ACO1: variants seen among roughly 807,000 people sequenced by gnomAD.
ACO1 encodes aconitase 1.
Under a neutral mutation model 105.1 loss-of-function variants are expected in ACO1, and 78 were observed. The observed-to-expected ratio is 0.74, with a 90% confidence interval of 0.62 to 0.90. The LOEUF is 0.90. Among genes scored for constraint, ACO1 ranks in the 40% least tolerant of loss-of-function variants. The pLI is 0.00. For missense variants in ACO1, 965 were observed against 1,111.1 expected (o/e 0.87, Z 1.87); for synonymous variants, 364 against 397.4 (o/e 0.92, Z 1.00).
At chr9:32,424,498 C>CT (rs748641083) in intron 9 of ACO1, 51 bp from the exon 10 acceptor site, 2 of 1,295,420 alleles carry the variant, frequency 1.5e-6, no homozygotes, top group Non-Finnish European at 2.2e-6. Flanking sequence ...TGGGTTTCCT[C>CT]TTTGTGGGTA....
intron 19 of ACO1, 38 bp downstream of exon 19, chr9:32,440,625 T>A (rs374694815): frequency 4.7e-5 from 76 of 1,606,668 alleles, no homozygotes; most frequent in Non-Finnish European, 6.2e-5. Flanking sequence ...GCAGCTCCCC[T>A]CTGAACTGGG....
chr9:32,411,296 G>C (rs1228166430), intron 4 of ACO1, among the ~76,000 whole-genome samples: 1 of 152,204 alleles, frequency 6.6e-6, no homozygotes, highest in African/African-American at 2.4e-5. Flanking sequence ...CTATCAGTGG[G>C]AGAAATAACT....
chr9:32,405,172 C>T (rs1430077316), intron 1 of ACO1, among the ~76,000 whole-genome samples: 2 of 152,252 alleles, frequency 1.3e-5, no homozygotes, highest in South Asian at 2.1e-4. Context: ...CAGTGTCTTG[C>T]GCCCGTTACC....
intron 2 of ACO1, among the ~76,000 whole-genome samples, chr9:32,405,926 C>G (rs1046494156): frequency 6.6e-6 from 1 of 152,210 alleles, no homozygotes; most frequent in South Asian, 2.1e-4. Context: ...GAGTCAATGA[C>G]ACATGCTCAG....
intron 1 of ACO1, among the ~76,000 whole-genome samples, chr9:32,396,372 C>T (rs998137307): frequency 6.6e-6 from 1 of 152,138 alleles, no homozygotes; most frequent in African/African-American, 2.4e-5. Flanking sequence ...CTACAAACAC[C>T]TAGCTGTACA....
At chr9:32,427,488 A>G (rs763342596) in intron 12 of ACO1, 52 bp downstream of exon 12, 9 of 1,609,956 alleles carry the variant, frequency 5.6e-6, no homozygotes, top group Non-Finnish European at 6.8e-6. Context: ...TGTATCCCTC[A>G]TGTATCTTGC....
intron 12 of ACO1, among the ~76,000 whole-genome samples, chr9:32,427,734 A>G (rs1822132408): frequency 6.6e-6 from 1 of 152,198 alleles, no homozygotes; most frequent in African/African-American, 2.4e-5. Context: ...TGTTGACTTT[A>G]TAAACACTGG....
At chr9:32,385,223 G>A (rs1821133329) in intron 1 of ACO1, among the ~76,000 whole-genome samples, 1 of 152,214 alleles carries the variant, frequency 6.6e-6, no homozygotes, top group Admixed American at 6.5e-5. Flanking sequence ...CTTGAACACA[G>A]AGCCCACCAT....
intron 8 of ACO1, among the ~76,000 whole-genome samples, chr9:32,421,896 A>G (rs531665767): frequency 5.3e-5 from 8 of 152,380 alleles, no homozygotes; most frequent in African/African-American, 1.9e-4. Flanking sequence ...AGAATCTTAC[A>G]GACTCCAAAT....
At chr9:32,399,964 CTGT>C (rs1259025343) in intron 1 of ACO1, among the ~76,000 whole-genome samples, 1 of 42,418 alleles carries the variant, frequency 2.4e-5, no homozygotes, top group African/African-American at 7.9e-5. Context: ...TTTTCTTTTT[CTGT>C]TTTTTTTTTT....
At chr9:32,395,340 G>A (rs1163084473) in intron 1 of ACO1, among the ~76,000 whole-genome samples, 1 of 152,174 alleles carries the variant, frequency 6.6e-6, no homozygotes, top group Admixed American at 6.5e-5. Flanking sequence ...GCCAGGCGTG[G>A]TGGTGGGCAC....
At chr9:32,416,097 C>CTTTT (rs11421318) in intron 4 of ACO1, among the ~76,000 whole-genome samples, 1 of 137,888 alleles carries the variant, frequency 7.3e-6, no homozygotes, top group East Asian at 2.1e-4. Flanking sequence ...AATATGTTTT[C>CTTTT]TTTTTTTTTT....
intron 20 of ACO1, among the ~76,000 whole-genome samples, chr9:32,449,361 A>C (rs958151851): frequency 1.3e-5 from 2 of 152,064 alleles, no homozygotes; most frequent in Non-Finnish European, 2.9e-5. Context: ...TCGTGATGAG[A>C]GCTCAGGGAT....
chr9:32,393,681 C>T (rs527982108), intron 1 of ACO1, among the ~76,000 whole-genome samples: 44 of 152,188 alleles, frequency 2.9e-4, no homozygotes, highest in South Asian at 2.1e-4. Flanking sequence ...CAGAACCTGC[C>T]GACATGTGAT....
At position 32,452,989 on chromosome 9, in the gene ACO1, T is replaced by C. The variant is rs982817795; in HGVS notation, c.*2878T>C. 13 of 80,100 alleles carry C rather than the reference T, an allele frequency of 1.6e-4. No homozygotes were observed. The East Asian group carries it at 4.4e-3, about 27-fold the overall frequency. 5.0% of individuals were successfully genotyped at this position (80,100 alleles called of 1,614,324 possible). ...CCCCCCCCCCCCCCAAAAAAAAAAG[T>C]ATCTTGGCCAGTGTCTCAACCTTGC... On this transcript the variant is annotated 3_prime_UTR_variant, in exon 21 of 21. Coordinates refer to ENST00000309951, the MANE Select transcript of ACO1 (RefSeq NM_002197.3).
rs1396234002 is a variant in ACO1, at chr9:32,453,305, T to C, written c.*3194T>C. The C allele has an allele frequency of 6.7e-6, 1 of 150,128 alleles. No individual in the cohort carries two copies. The highest frequency in any genetic ancestry group is 1.5e-5 in the Non-Finnish European group (1 of 67,820). The allele number at this position is 150,128 out of a possible 1,614,324, so 9.3% of individuals were successfully genotyped here. A position where few individuals can be genotyped will look rare whatever the true frequency, so the allele number is the denominator to read the frequency against. On this transcript the variant is annotated 3_prime_UTR_variant, in exon 21 of 21. Coordinates refer to ENST00000309951, the MANE Select transcript of ACO1 (RefSeq NM_002197.3). ...TAGGGAGTAATCTAGGGAAAAGATA[T>C]ATTAGGCATGAATCTTAGCTGTGGT...
chr9:32,450,254 A>G lies in ACO1; in HGVS notation c.*143A>G, dbSNP rs1426751502. 1.3e-6 allele frequency: 1 copy of G among 755,548 alleles called. No individual in the cohort carries two copies. Among genetic ancestry groups the G allele is most frequent in the Admixed American group, 1.9e-5 (1 of 53,030 alleles). The allele number at this position is 755,548 out of a possible 1,614,324, so 46.8% of individuals were successfully genotyped here. ...AGTGAGCACTGAGGGTCTGGTGCCA[A>G]TCCTGTAGGCACAAAACCAGAAGTT... On this transcript the variant is annotated 3_prime_UTR_variant, in exon 21 of 21. Coordinates refer to ENST00000309951, the MANE Select transcript of ACO1 (RefSeq NM_002197.3).
Position 32,431,860 on chromosome 9 carries a change from C to G in ACO1, c.1851+17C>G. Reference sequence around the variant, plus strand: ...AAAATAGAGGTGAGGTCCCACACTGCCCTCCCCGCCCCAGAGGATCTAAGG... The same window carrying G: ...AAAATAGAGGTGAGGTCCCACACTGGCCTCCCCGCCCCAGAGGATCTAAGG... On this transcript the variant is annotated intron_variant, in intron 15 of 20. Transcript: ENST00000309951. 6.2e-7 allele frequency: 1 copy of G among 1,613,272 alleles called. No individual in the cohort carries two copies.
intron 19 of ACO1, among the ~76,000 whole-genome samples, chr9:32,441,390 C>T (rs1822476447): frequency 6.6e-6 from 1 of 152,058 alleles, no homozygotes; most frequent in Admixed American, 6.6e-5. Flanking sequence ...ATTTGTGGCT[C>T]GCAAATTAAT....
Sources: allele counts gnomAD v4.1 joint callset (sites outside exome capture counted in the v4.1 genomes callset), GRCh38; gene constraint gnomAD v4.1.1; transcripts MANE v1.5; gene names NCBI Gene and HGNC (gene_info 2026-07-23, HGNC 2026-07-21).